TOGARAM1: variants seen among roughly 807,000 people sequenced by gnomAD.
TOGARAM1 encodes TOG array regulator of axonemal microtubules protein 1.
TOGARAM1 carries 100 observed loss-of-function variants against 166.6 expected under a neutral mutation model. The observed-to-expected ratio is 0.60, with a 90% confidence interval of 0.51 to 0.71. TOGARAM1 has a LOEUF of 0.71. Ranked by LOEUF, TOGARAM1 falls within the 30% of genes least tolerant of loss-of-function variation. The pLI, the probability that TOGARAM1 is intolerant of heterozygous loss-of-function variation, is 0.00. For synonymous variants in TOGARAM1, 758 were observed against 763.8 expected (o/e 0.99, Z 0.13); for missense variants, 2,029 against 2,102.7 (o/e 0.96, Z 0.69).
At chr14:45,011,019 A>G (rs960726623) in intron 6 of TOGARAM1, among the ~76,000 whole-genome samples, 1 of 152,206 alleles carries the variant, frequency 6.6e-6, no homozygotes, top group African/African-American at 2.4e-5. Context: ...TGTAAAATCT[A>G]TTCTTTTTAA....
chr14:45,017,417 A>ACG (rs1880215529), intron 7 of TOGARAM1, among the ~76,000 whole-genome samples: 1 of 141,548 alleles, frequency 7.1e-6, no homozygotes, highest in South Asian at 2.1e-4. Flanking sequence ...ACACACACAC[A>ACG]CACACACACA....
chr14:44,968,824 A>G (rs1217040372), intron 1 of TOGARAM1, among the ~76,000 whole-genome samples: 2 of 152,192 alleles, frequency 1.3e-5, no homozygotes, highest in South Asian at 2.1e-4. Flanking sequence ...GGGTTTTGAC[A>G]AATGTATCCA....
chr14:45,034,555 A>G (rs1881328533), intron 11 of TOGARAM1, among the ~76,000 whole-genome samples: 1 of 152,226 alleles, frequency 6.6e-6, no homozygotes. Context: ...TGTCAGGAGC[A>G]TATACAATGT....
chr14:45,010,268 T>C (rs558552470), intron 6 of TOGARAM1, among the ~76,000 whole-genome samples: 2 of 152,328 alleles, frequency 1.3e-5, no homozygotes, highest in Non-Finnish European at 2.9e-5. Flanking sequence ...CCTTATTTTT[T>C]CCTATACATT....
At chr14:44,964,584 G>C in intron 1 of TOGARAM1, 117 bp downstream of exon 1, 1 of 1,189,862 alleles carries the variant, frequency 8.4e-7, no homozygotes, top group Non-Finnish European at 1.1e-6. Context: ...GTTTTAAATT[G>C]ATTTTAAATC....
chr14:44,994,489 G>A (rs1214954615), intron 1 of TOGARAM1, among the ~76,000 whole-genome samples: 3 of 151,898 alleles, frequency 2.0e-5, no homozygotes, highest in Non-Finnish European at 4.4e-5. Context: ...CACAATATCA[G>A]CCCACTGCAG....
intron 1 of TOGARAM1, among the ~76,000 whole-genome samples, chr14:44,990,819 T>A (rs915729540): frequency 4.6e-5 from 7 of 152,028 alleles, no homozygotes; most frequent in African/African-American, 1.7e-4. Context: ...ACTTTGGGTT[T>A]TTTTCTTTTG....
At chr14:44,970,023 GT>G (rs1360642991) in intron 1 of TOGARAM1, among the ~76,000 whole-genome samples, 5 of 152,070 alleles carry the variant, frequency 3.3e-5, no homozygotes, top group Non-Finnish European at 7.4e-5. Flanking sequence ...ACTCTTCTGG[GT>G]TTTTTGCCTC....
At chr14:45,009,247 T>C (rs1879649895) in intron 6 of TOGARAM1, 102 bp downstream of exon 6, 1 of 852,840 alleles carries the variant, frequency 1.2e-6, no homozygotes, top group Non-Finnish European at 1.8e-6. Context: ...TATGTTTTAG[T>C]TTTTAAAATG....
At chr14:45,020,989 G>A (rs546201331) in intron 7 of TOGARAM1, among the ~76,000 whole-genome samples, 1 of 152,242 alleles carries the variant, frequency 6.6e-6, no homozygotes, top group South Asian at 2.1e-4. Flanking sequence ...CAGTGAGGGT[G>A]GTATTAAATA....
At chr14:45,045,541 GTGTATATA>G (rs1472720174) in intron 13 of TOGARAM1, among the ~76,000 whole-genome samples, 1,553 of 50,276 alleles carry the variant, frequency 0.031, 157 homozygotes, top group East Asian at 0.18. Flanking sequence ...TGGTCTGTGT[GTGTATATA>G]TATATATATA....
chr14:45,009,044 G>A lies in TOGARAM1; in HGVS notation c.3036G>A (p.Leu1012=). Residue 1012 remains leucine, a synonymous_variant, in exon 6 of 20, where the codon CTG becomes CTA. Transcript: ENST00000361462. ...ACTTGACGATGGACTCCCCGTCTCTGTCTTCCTCACCAAACATCAATTCTT... is the reference window on the plus strand; with the variant it reads ...ACTTGACGATGGACTCCCCGTCTCTATCTTCCTCACCAAACATCAATTCTT... The part of the protein sequence containing the change: ...KLDLTMDSPS[L]SSSPNINSYS... The A allele has an allele frequency of 6.2e-7, 1 of 1,614,062 alleles. No homozygotes were observed. The highest frequency in any genetic ancestry group is 8.5e-7 in the Non-Finnish European group (1 of 1,179,984).
chr14:44,979,172 T>TTAA (rs144833686), intron 1 of TOGARAM1, among the ~76,000 whole-genome samples: 16,784 of 151,456 alleles, frequency 0.11, 1,314 homozygotes, highest in African/African-American at 0.23. Context: ...TAAGTCACCA[T>TTAA]TAATAATAAT....
intron 7 of TOGARAM1, among the ~76,000 whole-genome samples, chr14:45,019,674 T>A (rs1040912230): frequency 6.6e-6 from 1 of 152,204 alleles, no homozygotes; most frequent in Non-Finnish European, 1.5e-5. Flanking sequence ...AGCATTTTAG[T>A]GAGCTCTCTT....
At chr14:45,002,995 G>T (rs944460845) in intron 3 of TOGARAM1, among the ~76,000 whole-genome samples, 1 of 152,004 alleles carries the variant, frequency 6.6e-6, no homozygotes, top group Non-Finnish European at 1.5e-5. Flanking sequence ...AAATAGAAAG[G>T]AAATATTTTT....
chr14:44,989,675 C>T (rs1476316570), intron 1 of TOGARAM1, among the ~76,000 whole-genome samples: 1 of 152,138 alleles, frequency 6.6e-6, no homozygotes, highest in Non-Finnish European at 1.5e-5. Flanking sequence ...CTGAGCCCTC[C>T]AGACTGTTCT....
chr14:45,043,608 C>T, intron 11 of TOGARAM1, 78 bp from the exon 12 acceptor site: 1 of 858,814 alleles, frequency 1.2e-6, no homozygotes, highest in Non-Finnish European at 2.0e-6. Flanking sequence ...ATTCCATACA[C>T]AGAAAATAAG....
chr14:45,035,318 C>A lies in TOGARAM1; in HGVS notation c.3812+2942C>A, dbSNP rs1238157292. On this transcript the variant is annotated intron_variant, in intron 11 of 19. Transcript: ENST00000361462. ...GAGGTTGCAGTGAGCTGAGATCGTA[C>A]CACTGCACCCAGCCTGGGCAACAGG... Among the ~76,000 whole-genome samples, 4 of 151,816 alleles carry A rather than the reference C, an allele frequency of 2.6e-5. No homozygotes were observed. The East Asian group carries it at 7.7e-4, about 29-fold the overall frequency.
At chr14:45,021,475 G>T (rs1880502842) in intron 7 of TOGARAM1, among the ~76,000 whole-genome samples, 1 of 152,168 alleles carries the variant, frequency 6.6e-6, no homozygotes, top group Non-Finnish European at 1.5e-5. Context: ...ACAGTAAAGA[G>T]AAAAATATGA....
Sources: allele counts gnomAD v4.1 joint callset (sites outside exome capture counted in the v4.1 genomes callset), GRCh38; gene constraint gnomAD v4.1.1; transcripts MANE v1.5; gene names NCBI Gene and HGNC (gene_info 2026-07-23, HGNC 2026-07-21).